The following PCDHA5 variants were observed in gnomAD, a reference collection of about 807,000 sequenced individuals.
The protein encoded by PCDHA5 is protocadherin alpha-5.
A neutral mutation model predicts 61.6 loss-of-function variants in PCDHA5; 43 were observed. The ratio of observed to expected loss-of-function variants is 0.70; its 90% confidence interval spans 0.55 to 0.90. The LOEUF is 0.90. Ranked by LOEUF, PCDHA5 falls within the 40% of genes least tolerant of loss-of-function variation. The probability of loss-of-function intolerance (pLI) is 0.00; values close to 1 mark genes in which losing one functional copy is unlikely to be tolerated. For missense variants in PCDHA5, 1,298 were observed against 1,222.7 expected, an observed-to-expected ratio of 1.06 and a Z score of -0.92; for synonymous variants, 627 against 543.9, an observed-to-expected ratio of 1.15 and a Z score of -2.13.
chr5:140,862,256 A>C (rs2047276539), intron 1 of PCDHA5: 1 of 223,718 alleles, frequency 4.5e-6, no homozygotes, highest in Non-Finnish European at 8.9e-6. Context: ...TTCCAGAGTT[A>C]GCAGTAAGTC....
At chr5:140,861,018 C>A (rs1263823889) in intron 1 of PCDHA5, 4 of 152,248 alleles carry the variant, frequency 2.6e-5, no homozygotes, top group Non-Finnish European at 4.4e-5. Flanking sequence ...CGAGTGCCAC[C>A]GCACCCGGCC....
chr5:140,884,529 G>C lies in PCDHA5; in HGVS notation c.2352+60402G>C. On this transcript the variant is annotated intron_variant, in intron 1 of 3. Transcript: ENST00000529859. Reference sequence around the variant, plus strand: ...GGGAGTTGGTCGTACTCGCAGCAGAGGCGGCCGAGGGTGTGCTCTGGGGAG... The same window carrying C: ...GGGAGTTGGTCGTACTCGCAGCAGACGCGGCCGAGGGTGTGCTCTGGGGAG... 2.5e-6 allele frequency: 4 copies of C among 1,614,068 alleles called. No individual in the cohort carries two copies. Among genetic ancestry groups the C allele is most frequent in the Non-Finnish European group, 3.4e-6 (4 of 1,179,986 alleles).
At chr5:140,869,760 A>G in intron 1 of PCDHA5, 1 of 1,613,206 alleles carries the variant, frequency 6.2e-7, no homozygotes, top group Non-Finnish European at 8.5e-7. Flanking sequence ...ACGGGGGAAA[A>G]CCAGAGCTTA....
intron 1 of PCDHA5, chr5:140,868,996 G>T: frequency 6.6e-7 from 1 of 1,516,608 alleles, no homozygotes; most frequent in South Asian, 1.4e-5. Flanking sequence ...CACCGTTTAA[G>T]GATCCTTTGA....
At position 140,849,784 on chromosome 5, in the gene PCDHA5, G is replaced by A. The variant is rs2150449940; in HGVS notation, c.2352+25657G>A. The A allele has an allele frequency of 3.8e-6, 6 of 1,598,104 alleles. No homozygotes were observed. The East Asian group carries it at 1.3e-4, about 36-fold the overall frequency. ...GAGCTGGTGGTTACCGCGCGGGACG[G>A]GGGCTCGCCTTCACTGTGGGCCACG... On this transcript the variant is annotated intron_variant, in intron 1 of 3. Coordinates refer to ENST00000529859, the MANE Select transcript of PCDHA5 (RefSeq NM_018908.3).
chr5:140,830,635 C>A, intron 1 of PCDHA5: 1 of 507,538 alleles, frequency 2.0e-6, no homozygotes, highest in Non-Finnish European at 3.1e-6. Flanking sequence ...ATTTTAATCT[C>A]TTTGCTTCTT....
chr5:140,835,733 C>T (rs2150243332), intron 1 of PCDHA5: 2 of 1,613,810 alleles, frequency 1.2e-6, no homozygotes. Context: ...ACGTGAACGA[C>T]AACGCCCCGG....
chr5:141,010,341 T>G lies in PCDHA5; in HGVS notation c.*404T>G, dbSNP rs199826290. The stretch of plus-strand genomic sequence containing the variant: ...GAGCAGCTTGGGAGTTTGTGGCCAC[T>G]GGGTATGTGTGGCTACCGCGGGTAT... On this transcript the variant is annotated 3_prime_UTR_variant, in exon 4 of 4. Transcript: ENST00000529859. The G allele has an allele frequency of 4.0e-6, 6 of 1,503,220 alleles. No individual in the cohort carries two copies. Among genetic ancestry groups the G allele is most frequent in the Non-Finnish European group, 4.5e-6 (5 of 1,119,592 alleles). The allele number at this position is 1,503,220 out of a possible 1,614,324, so 93.1% of individuals were successfully genotyped here.
At chr5:140,879,375 C>T (rs2057967921) in intron 1 of PCDHA5, among the ~76,000 whole-genome samples, 1 of 152,076 alleles carries the variant, frequency 6.6e-6, no homozygotes, top group Non-Finnish European at 1.5e-5. Context: ...ACCTGCAGAA[C>T]AAGGTTGGAG....
chr5:140,898,389 G>A (rs1402524208), intron 1 of PCDHA5, among the ~76,000 whole-genome samples: 3 of 152,190 alleles, frequency 2.0e-5, no homozygotes, highest in Non-Finnish European at 4.4e-5. Flanking sequence ...AAGGGATCCA[G>A]TTTCAGCTTT....
chr5:140,927,422 T>G, intron 1 of PCDHA5: 1 of 1,614,028 alleles, frequency 6.2e-7, no homozygotes. Context: ...GGATCGCGGG[T>G]TGACGGCAGC....
intron 1 of PCDHA5, chr5:140,882,663 T>C (rs782768442): frequency 4.0e-5 from 65 of 1,614,026 alleles, no homozygotes; most frequent in Non-Finnish European, 5.3e-5. Flanking sequence ...AACCCGCCCA[T>C]ATTCCCTGAA....
intron 1 of PCDHA5, chr5:140,967,470 C>T (rs1554229592): frequency 1.2e-6 from 2 of 1,613,462 alleles, no homozygotes; most frequent in Non-Finnish European, 8.5e-7. Context: ...GGGGGCATCC[C>T]AGCCCGCTCG....
intron 1 of PCDHA5, among the ~76,000 whole-genome samples, chr5:140,889,584 CT>C (rs1192659128): frequency 1.3e-5 from 2 of 151,792 alleles, no homozygotes; most frequent in Non-Finnish European, 2.9e-5. Context: ...TTTGTTTTTG[CT>C]TTGAAATATT....
intron 1 of PCDHA5, chr5:140,967,558 C>G (rs1554229674): frequency 6.2e-7 from 1 of 1,614,050 alleles, no homozygotes; most frequent in South Asian, 1.1e-5. Flanking sequence ...CTTATCGCGT[C>G]CAGCTACGGG....
rs2150115866 is a variant in PCDHA5 at position 140,822,382 on chromosome 5, G to A, written c.607G>A (p.Glu203Lys). Residue 203 changes from glutamate (E) to lysine (K), a missense_variant, in exon 1 of 4, where the codon GAA (glutamate) becomes AAA (lysine). Transcript: ENST00000529859. ...LVLRKSLDREETQEHRLLVIA... is the reference protein window; with the variant it reads ...LVLRKSLDREKTQEHRLLVIA... ...TTTGAGGAAATCCTTAGATAGAGAA[G>A]AAACACAAGAACACCGTTTATTAGT... The A allele has an allele frequency of 6.2e-7, 1 of 1,614,100 alleles. No homozygotes were observed. Among genetic ancestry groups the A allele is most frequent in the South Asian group, 1.1e-5 (1 of 91,086 alleles).
chr5:140,858,632 C>CT, intron 1 of PCDHA5: 1 of 1,018,812 alleles, frequency 9.8e-7, no homozygotes, highest in Non-Finnish European at 1.4e-6. Context: ...GTGTGTCAGC[C>CT]TTTGATTGGT....
At chr5:140,970,442 A>G (rs1003756532) in intron 1 of PCDHA5, among the ~76,000 whole-genome samples, 3 of 152,182 alleles carry the variant, frequency 2.0e-5, no homozygotes, top group Non-Finnish European at 4.4e-5. Flanking sequence ...TAGTATATGC[A>G]CTAGTTTTGA....
intron 1 of PCDHA5, among the ~76,000 whole-genome samples, chr5:140,971,967 A>C (rs2096509788): frequency 6.6e-6 from 1 of 152,118 alleles, no homozygotes; most frequent in Non-Finnish European, 1.5e-5. Flanking sequence ...ACTTTTTTTC[A>C]ATACTATGAG....
Sources: gnomAD v4.1 joint callset for allele counts (sites outside exome capture counted in the v4.1 genomes callset) on GRCh38, gnomAD v4.1.1 for gene constraint, MANE v1.5 for transcripts, NCBI Gene and HGNC (gene_info 2026-07-23, HGNC 2026-07-21) for gene names.